RAB27A: variants seen among roughly 807,000 people sequenced by gnomAD.
RAB27A encodes the protein RAB27A, member RAS oncogene family.
RAB27A carries 17 observed loss-of-function variants against 20.8 expected under a neutral mutation model. The ratio of observed to expected loss-of-function variants is 0.82; its 90% CI spans 0.56 to 1.23. The LOEUF (loss-of-function observed/expected upper bound fraction) is 1.23, where lower values mean the gene tolerates loss of function less well. RAB27A is among the 50% of genes most tolerant of loss of function. RAB27A has a pLI of 0.00. For synonymous variants in RAB27A, 85 were observed against 92.8 expected (o/e 0.92, Z 0.48); for missense variants, 277 against 266.7 (o/e 1.04, Z -0.27).
At chr15:55,260,402 A>G (rs116853971) in intron 2 of RAB27A, among the ~76,000 whole-genome samples, 1,768 of 152,302 alleles carry the variant, frequency 0.012, 14 homozygotes, top group Non-Finnish European at 0.018. Flanking sequence ...AGCTAAACTT[A>G]CTCTTACCGT....
At chr15:55,300,594 G>T (rs532762896) in intron 2 of RAB27A, among the ~76,000 whole-genome samples, 2 of 152,116 alleles carry the variant, frequency 1.3e-5, no homozygotes, top group African/African-American at 4.8e-5. Context: ...CAAGAGAATC[G>T]CTTGAACCCG....
At chr15:55,217,021 A>C (rs1251200606) in intron 6 of RAB27A, among the ~76,000 whole-genome samples, 1 of 151,002 alleles carries the variant, frequency 6.6e-6, no homozygotes, top group African/African-American at 2.4e-5. Flanking sequence ...TAACTTTTCA[A>C]GTTACTCATG....
chr15:55,296,245 A>G (rs1422059784), intron 2 of RAB27A, among the ~76,000 whole-genome samples: 1 of 147,018 alleles, frequency 6.8e-6, no homozygotes, highest in South Asian at 2.4e-4. Context: ...GGTGGCTCAC[A>G]CCTGTAAGCC....
chr15:55,272,070 A>G (rs1239932622), intron 1 of RAB27A, among the ~76,000 whole-genome samples: 1 of 152,220 alleles, frequency 6.6e-6, no homozygotes, highest in East Asian at 1.9e-4. Flanking sequence ...ATTAAAATTC[A>G]TTAGAGTTAG....
At chr15:55,216,634 AAAG>A (rs554923007) in intron 6 of RAB27A, among the ~76,000 whole-genome samples, 27 of 152,322 alleles carry the variant, frequency 1.8e-4, no homozygotes, top group Non-Finnish European at 3.2e-4. Flanking sequence ...TGTGAAAAAA[AAAG>A]AATAAAAAAT....
intron 1 of RAB27A, among the ~76,000 whole-genome samples, chr15:55,278,222 G>C (rs906377072): frequency 2.0e-5 from 3 of 152,100 alleles, no homozygotes; most frequent in African/African-American, 7.2e-5. Context: ...ACATATTAAA[G>C]AAATTTAATA....
In RAB27A at chr15:55,302,039, T is replaced by C. The variant is rs146292701; in HGVS notation, c.-112+12000A>G. Among the ~76,000 whole-genome samples the C allele has an allele frequency of 2.1e-3, 325 of 151,842 alleles. 2 individuals carry two copies. Among genetic ancestry groups the C allele is most frequent in the Non-Finnish European group, 2.4e-3 (161 of 67,944 alleles). On this transcript the variant is annotated intron_variant, in intron 2 of 5. Coordinates refer to the RAB27A transcript ENST00000563262. ...CAAAAATAGAACAATTAGCCGACCA[T>C]GGTAGTTTGTGCCTGTGATCCCACC...
At chr15:55,247,927 T>C (rs1204461825) in intron 2 of RAB27A, among the ~76,000 whole-genome samples, 8 of 147,850 alleles carry the variant, frequency 5.4e-5, no homozygotes, top group Non-Finnish European at 8.9e-5. Flanking sequence ...ACCCTCTTCC[T>C]CACTAACCAC....
At chr15:55,266,104 G>A (rs1351223710) in intron 2 of RAB27A, among the ~76,000 whole-genome samples, 1 of 152,192 alleles carries the variant, frequency 6.6e-6, no homozygotes, top group Non-Finnish European at 1.5e-5. Flanking sequence ...TCCCCAATGT[G>A]ATGGTATAAG....
chr15:55,220,955 A>G (rs949141741), intron 6 of RAB27A, among the ~76,000 whole-genome samples: 1 of 152,200 alleles, frequency 6.6e-6, no homozygotes, highest in African/African-American at 2.4e-5. Context: ...TTCAATCATT[A>G]TCTGCTAAAT....
At chr15:55,224,848 G>T (rs1231047756) in intron 5 of RAB27A, among the ~76,000 whole-genome samples, 1 of 152,178 alleles carries the variant, frequency 6.6e-6, no homozygotes, top group Admixed American at 6.5e-5. Context: ...TTTCATCATG[G>T]TTAACCAGAA....
intron 2 of RAB27A, among the ~76,000 whole-genome samples, chr15:55,267,625 C>A (rs1010712088): frequency 6.6e-6 from 1 of 152,182 alleles, no homozygotes; most frequent in Non-Finnish European, 1.5e-5. Flanking sequence ...CATGACTCAT[C>A]AGCTATCACG....
At chr15:55,235,530 G>T (rs74247116) in intron 2 of RAB27A, among the ~76,000 whole-genome samples, 1 of 151,838 alleles carries the variant, frequency 6.6e-6, no homozygotes, top group African/African-American at 2.4e-5. Flanking sequence ...TTTCAAGTGG[G>T]AATGATAATC....
chr15:55,269,346 C>A (rs1258690875), intron 2 of RAB27A, among the ~76,000 whole-genome samples: 2 of 152,152 alleles, frequency 1.3e-5, no homozygotes, highest in African/African-American at 4.8e-5. Context: ...CATAACAATA[C>A]CCTTATCAAA....
intron 2 of RAB27A, among the ~76,000 whole-genome samples, chr15:55,306,412 G>A (rs2054997057): frequency 6.6e-6 from 1 of 152,118 alleles, no homozygotes; most frequent in Non-Finnish European, 1.5e-5. Flanking sequence ...GGGTACGGAG[G>A]GTTTCATGTA....
In RAB27A at chr15:55,203,166, A is replaced by G. The variant is rs1392570842; in HGVS notation, c.*2341T>C. 6.6e-6 allele frequency: 1 copy of G among 152,220 alleles called. No individual in the cohort carries two copies. The highest frequency in any genetic ancestry group is 1.5e-5 in the Non-Finnish European group (1 of 68,036). The allele number at this position is 152,220 out of a possible 1,614,324, so 9.4% of individuals were successfully genotyped here. On this transcript the variant is annotated 3_prime_UTR_variant, in exon 7 of 7. Transcript: ENST00000336787. ...TAAAGGTGGCTTTTGTGTGTGCACT[A>G]TATCATGTATACACTTAATTGTATG...
chr15:55,235,963 A>G (rs1403922737), intron 2 of RAB27A, among the ~76,000 whole-genome samples: 2 of 152,182 alleles, frequency 1.3e-5, no homozygotes, highest in African/African-American at 4.8e-5. Flanking sequence ...TGAAGCTATG[A>G]GGAAGCAAAG....
chr15:55,274,693 A>T (rs1243477712), intron 1 of RAB27A, among the ~76,000 whole-genome samples: 4 of 150,452 alleles, frequency 2.7e-5, no homozygotes, highest in African/African-American at 9.8e-5. Flanking sequence ...CAGGAGAATC[A>T]CTTGAACCTG....
intron 2 of RAB27A, among the ~76,000 whole-genome samples, chr15:55,250,986 A>C (rs1896868324): frequency 6.6e-6 from 1 of 152,246 alleles, no homozygotes; most frequent in Non-Finnish European, 1.5e-5. Flanking sequence ...CCATAGACCC[A>C]ACAAGGACAT....
Sources: allele counts gnomAD v4.1 joint callset (sites outside exome capture counted in the v4.1 genomes callset), GRCh38; gene constraint gnomAD v4.1.1; transcripts MANE v1.5; gene names NCBI Gene and HGNC (gene_info 2026-07-23, HGNC 2026-07-21).